The following RFESD variants were observed in gnomAD, a reference collection of about 807,000 sequenced individuals.
RFESD encodes Rieske Fe-S domain containing.
Under a neutral mutation model 24.4 loss-of-function variants are expected in RFESD, and 16 were observed. That is an observed-to-expected ratio of 0.66 (90% confidence interval 0.44 to 1.00). RFESD has a LOEUF of 1.00. RFESD is among the 50% of genes least tolerant of loss of function. RFESD has a pLI of 0.00. For missense variants in RFESD, 208 were observed against 247.0 expected (o/e 0.84, Z 1.06); for synonymous variants, 59 against 81.8 (o/e 0.72, Z 1.50).
chr5:95,655,983 C>A, intron 5 of RFESD, 63 bp from the exon 6 acceptor site: 3 of 1,503,914 alleles, frequency 2.0e-6, no homozygotes, highest in South Asian at 1.2e-5. Flanking sequence ...GCAGCAGACT[C>A]TTCAGAGTCT....
At chr5:95,646,927 C>A (rs1370765469) in intron 1 of RFESD, 110 bp downstream of exon 1, 7 of 152,404 alleles carry the variant, frequency 4.6e-5, no homozygotes, top group African/African-American at 1.4e-4. Flanking sequence ...GCTGCGGGGC[C>A]TGAGGCCCTC....
At chr5:95,649,550 A>C (rs1330972702) in intron 1 of RFESD, among the ~76,000 whole-genome samples, 2 of 152,224 alleles carry the variant, frequency 1.3e-5, no homozygotes, top group Non-Finnish European at 2.9e-5. Flanking sequence ...GTAATGCCAA[A>C]TTGTGGTAGC....
intron 1 of RFESD, 121 bp downstream of exon 1, chr5:95,646,938 T>C (rs530598629): frequency 6.6e-6 from 1 of 152,506 alleles, no homozygotes; most frequent in East Asian, 1.9e-4. Flanking sequence ...TGAGGCCCTC[T>C]TGGGTTTTGG....
At chr5:95,647,539 A>G (rs1424126178) in intron 1 of RFESD, 1 of 152,098 alleles carries the variant, frequency 6.6e-6, no homozygotes, top group Non-Finnish European at 1.5e-5. Context: ...ACATCATACG[A>G]TGGTGCTGAT....
chr5:95,654,417 C>G, intron 5 of RFESD, 50 bp downstream of exon 5: 1 of 1,196,208 alleles, frequency 8.4e-7, no homozygotes, highest in Non-Finnish European at 1.2e-6. Flanking sequence ...TAAATATATT[C>G]AAAAATAATT....
chr5:95,648,227 T>C (rs1194913216), intron 1 of RFESD, among the ~76,000 whole-genome samples: 3 of 152,216 alleles, frequency 2.0e-5, no homozygotes, highest in African/African-American at 7.2e-5. Context: ...AATTTGTAAT[T>C]TTATATGGAG....
chr5:95,651,413 G>A (rs892875071), intron 1 of RFESD, among the ~76,000 whole-genome samples: 2 of 151,944 alleles, frequency 1.3e-5, no homozygotes, highest in Non-Finnish European at 2.9e-5. Context: ...AATATTTTTA[G>A]AGACAGGGTC....
In RFESD at chr5:95,657,470, TC is replaced by T. The variant is rs1750832163; in HGVS notation, c.*1162del. ...TAGCTAAAATGAGTAGATGATGAAT[TC>T]AGAGTGAGAAGAACTGTCAAGATTG... On this transcript the variant is annotated 3_prime_UTR_variant, in exon 6 of 6. Transcript: ENST00000380005. The T allele has an allele frequency of 6.6e-6, 1 of 151,878 alleles. No homozygotes were observed. Among genetic ancestry groups the T allele is most frequent in the African/African-American group, 2.4e-5 (1 of 41,358 alleles). 9.4% of individuals were successfully genotyped at this position (151,878 alleles called of 1,614,324 possible). A position where few individuals can be genotyped will look rare whatever the true frequency, so the allele number is the denominator to read the frequency against.
intron 1 of RFESD, among the ~76,000 whole-genome samples, chr5:95,651,129 A>G (rs923809210): frequency 4.1e-5 from 6 of 147,372 alleles, no homozygotes; most frequent in African/African-American, 5.1e-5. Flanking sequence ...AAGAAGTGGG[A>G]TATATGTGTT....
chr5:95,651,066 C>G lies in RFESD; in HGVS notation c.-135-1071C>G, dbSNP rs977861166. ...TGAGCCCAGATGGAGCCACTGCACT[C>G]CAGCCTGGGCTACAGAGTGAGACTC... On this transcript the variant is annotated intron_variant, in intron 1 of 5. Transcript: ENST00000380005. Among the ~76,000 whole-genome samples the G allele has an allele frequency of 3.4e-4, 50 of 145,772 alleles. 1 individual carries two copies. Among genetic ancestry groups the G allele is most frequent in the Non-Finnish European group, 8.9e-5 (6 of 67,380 alleles).
intron 3 of RFESD, among the ~76,000 whole-genome samples, chr5:95,653,858 A>G (rs180707357): frequency 1.8e-4 from 27 of 152,322 alleles, no homozygotes; most frequent in Admixed American, 1.7e-3. Context: ...AGATCGTGCT[A>G]CTGCACTCCA....
At chr5:95,650,166 C>CT (rs1750246471) in intron 1 of RFESD, among the ~76,000 whole-genome samples, 2 of 152,112 alleles carry the variant, frequency 1.3e-5, no homozygotes, top group Admixed American at 6.6e-5. Flanking sequence ...TAAACTTTTG[C>CT]TTTTTTATTG....
chr5:95,650,817 G>C (rs1483670362), intron 1 of RFESD, among the ~76,000 whole-genome samples: 1 of 152,132 alleles, frequency 6.6e-6, no homozygotes, highest in Non-Finnish European at 1.5e-5. Flanking sequence ...AGTTGGATAG[G>C]GCCGGGCATG....
chr5:95,649,688 A>G (rs1266431028), intron 1 of RFESD, among the ~76,000 whole-genome samples: 4 of 152,188 alleles, frequency 2.6e-5, no homozygotes, highest in East Asian at 3.8e-4. Context: ...GCGTTTTCCT[A>G]CTAATGAGAT....
intron 1 of RFESD, chr5:95,647,793 C>T (rs1750167726): frequency 6.6e-6 from 1 of 152,034 alleles, no homozygotes; most frequent in Admixed American, 6.6e-5. Context: ...AACGTGGGTG[C>T]TACCTGAATA....
chr5:95,652,862 G>C, intron 2 of RFESD: 1 of 429,496 alleles, frequency 2.3e-6, no homozygotes, highest in Non-Finnish European at 4.0e-6. Context: ...CTGATTTCTG[G>C]GCATCCATTG....
chr5:95,651,803 C>G (rs371493420), intron 1 of RFESD, among the ~76,000 whole-genome samples: 33 of 152,102 alleles, frequency 2.2e-4, no homozygotes, highest in Middle Eastern at 3.4e-3. Flanking sequence ...CTTTTAATTT[C>G]TATATTTGGC....
chr5:95,650,132 C>G (rs1750245186), intron 1 of RFESD, among the ~76,000 whole-genome samples: 1 of 152,170 alleles, frequency 6.6e-6, no homozygotes. Context: ...GGCCATGGTC[C>G]TCTTTGCCTT....
intron 5 of RFESD, 34 bp from the exon 6 acceptor site, chr5:95,656,012 G>A (rs1221316392): frequency 1.3e-6 from 2 of 1,596,960 alleles, no homozygotes; most frequent in African/African-American, 2.7e-5. Context: ...CATTTGACAT[G>A]TCAGAATATT....
Sources: gnomAD v4.1 joint callset for allele counts (sites outside exome capture counted in the v4.1 genomes callset) on GRCh38, gnomAD v4.1.1 for gene constraint, MANE v1.5 for transcripts, NCBI Gene and HGNC (gene_info 2026-07-23, HGNC 2026-07-21) for gene names.